The following RAD17 variants were observed in gnomAD, a reference collection of about 807,000 sequenced individuals.
RAD17 encodes RAD17 checkpoint clamp loader component, also known as cell cycle checkpoint protein RAD17.
In RAD17, 31 loss-of-function variants were observed where a neutral mutation model predicts 81.5. The ratio of observed to expected loss-of-function variants is 0.38; its 90% CI spans 0.29 to 0.51. RAD17 has a LOEUF of 0.51. Ranked by LOEUF, RAD17 falls within the 20% of genes least tolerant of loss-of-function variation. RAD17 has a pLI of 0.88. For synonymous variants in RAD17, 261 were observed against 266.2 expected (o/e 0.98, Z 0.19); for missense variants, 681 against 781.2 (o/e 0.87, Z 1.53).
chr5:69,410,526 TC>T lies in RAD17; in HGVS notation c.1730del (p.Pro577LeufsTer2). 1.2e-6 allele frequency: 2 copies of T among 1,613,422 alleles called. No homozygotes were observed. The highest frequency in any genetic ancestry group is 1.7e-6 in the Non-Finnish European group (2 of 1,179,600). On this transcript the variant is annotated frameshift_variant, in exon 18 of 19. Coordinates refer to ENST00000354868, the MANE Select transcript of RAD17 (RefSeq NM_133338.3). LOFTEE classifies it low-confidence loss of function (END_TRUNC). ...TCTTTTATCCAAGATATTGGAAGGC[TC>T]CCTCTGAAGCGACACTTTGGAAGGT... Reference protein sequence around the residue: ...QISFIQDIGRLPLKRHFGRLK... With the variant: ...QISFIQDIGRXPLKRHFGRLK...
At chr5:69,409,783 CTT>C (rs1406204972) in intron 17 of RAD17, among the ~76,000 whole-genome samples, 1 of 152,160 alleles carries the variant, frequency 6.6e-6, no homozygotes, top group Admixed American at 6.6e-5. Context: ...GTTTCCGAAA[CTT>C]TTGCTTCTTG....
chr5:69,407,748 C>T (rs527902772), intron 17 of RAD17, among the ~76,000 whole-genome samples: 12 of 151,688 alleles, frequency 7.9e-5, no homozygotes, highest in African/African-American at 2.2e-4. Flanking sequence ...GGCGGGGTTT[C>T]GCCATGTTGG....
At chr5:69,411,268 G>A (rs938551557) in intron 18 of RAD17, among the ~76,000 whole-genome samples, 11 of 151,760 alleles carry the variant, frequency 7.2e-5, no homozygotes, top group Non-Finnish European at 8.8e-5. Context: ...AAATTTAGCT[G>A]GGTGTGGTGG....
chr5:69,400,474 C>G (rs1765195551), intron 17 of RAD17, among the ~76,000 whole-genome samples: 1 of 151,984 alleles, frequency 6.6e-6, no homozygotes, highest in Non-Finnish European at 1.5e-5. Flanking sequence ...CCTCGGCCCC[C>G]CAGAGTGCTG....
chr5:69,371,394 T>A, intron 2 of RAD17, 60 bp from the exon 3 acceptor site: 1 of 516,898 alleles, frequency 1.9e-6, no homozygotes, highest in Non-Finnish European at 3.5e-6. Context: ...CATTTATTAC[T>A]ATAATTGGGC....
intron 18 of RAD17, among the ~76,000 whole-genome samples, chr5:69,411,267 T>C (rs1183879): frequency 0.5 from 75,305 of 151,264 alleles, 18,761 homozygotes; most frequent in South Asian, 0.53. Context: ...AAAATTTAGC[T>C]GGGTGTGGTG....
In RAD17 at chr5:69,369,851, A is replaced by T. The variant is rs896137085; in HGVS notation, c.-499A>T. 4 of 775,756 alleles carry T rather than the reference A, an allele frequency of 5.2e-6. No individual in the cohort carries two copies. The African/African-American group carries it at 7.1e-5, about 14-fold the overall frequency. The allele number at this position is 775,756 out of a possible 1,614,324, so 48.1% of individuals were successfully genotyped here. On this transcript the variant is annotated 5_prime_UTR_variant, in exon 1 of 19. Transcript: ENST00000354868. ...GAGAGGCTCGGCGTTGAGCCCGGGTAGGGCCAGGTGGCTGCCCTTTCACCT... is the reference window on the plus strand; with the variant it reads ...GAGAGGCTCGGCGTTGAGCCCGGGTTGGGCCAGGTGGCTGCCCTTTCACCT...
In RAD17 at chr5:69,414,359, C is replaced by T; in HGVS notation, c.*67C>T. On this transcript the variant is annotated 3_prime_UTR_variant, in exon 19 of 19. Transcript: ENST00000354868. Reference sequence around the variant, plus strand: ...TTTGTTTCATTCAGTGGTACTTCAGCAGAGTTAATATGCTTTTCTGATGAA... The same window carrying T: ...TTTGTTTCATTCAGTGGTACTTCAGTAGAGTTAATATGCTTTTCTGATGAA... 6.7e-7 allele frequency: 1 copy of T among 1,502,112 alleles called. No homozygotes were observed. The highest frequency in any genetic ancestry group is 1.2e-5 in the South Asian group (1 of 84,652). The allele number at this position is 1,502,112 out of a possible 1,614,324, so 93.0% of individuals were successfully genotyped here. A position where few individuals can be genotyped will look rare whatever the true frequency, so the allele number is the denominator to read the frequency against.
intron 17 of RAD17, among the ~76,000 whole-genome samples, chr5:69,407,623 C>T (rs1269370835): frequency 8.8e-6 from 1 of 113,856 alleles, no homozygotes; most frequent in Non-Finnish European, 1.6e-5. Context: ...GTTGTCCAGG[C>T]TGGAGTGCGG....
rs781628659 is a variant in RAD17 at position 69,396,494 on chromosome 5, G to A, written c.1520G>A (p.Gly507Glu). The change falls in exon 16 of 19, where the codon GGA becomes GAA. Residue 507 changes from glycine (G) to glutamate (E), a missense_variant. Coordinates refer to ENST00000354868, the MANE Select transcript of RAD17 (RefSeq NM_133338.3). ...GGATATGCTCATTGCCAAGGAGGAG[G>A]ATCAAGTTTTCGACCCTTGCACAAA... is the stretch of plus-strand genomic sequence containing the variant. ...ARGYAHCQGG[G>E]SSFRPLHKPQ... The A allele has an allele frequency of 1.2e-6, 2 of 1,610,900 alleles. No homozygotes were observed. The highest frequency in any genetic ancestry group is 4.5e-5 in the East Asian group (2 of 44,766).
In RAD17 at chr5:69,394,893, T is replaced by C. The variant is rs141176706; in HGVS notation, c.1422+1393T>C. 2.6e-3 allele frequency among the ~76,000 whole-genome samples: 399 copies of C among 152,186 alleles called. 1 individual carries two copies. The highest frequency in any genetic ancestry group is 9.4e-3 in the African/African-American group (390 of 41,536). On this transcript the variant is annotated intron_variant, in intron 15 of 18. Coordinates refer to ENST00000354868, the MANE Select transcript of RAD17 (RefSeq NM_133338.3). ...TGGGGCAATGTGATGAAACCCCATCTCTACAAAAAAATACCAAGAAAATTG... is the reference window on the plus strand; with the variant it reads ...TGGGGCAATGTGATGAAACCCCATCCCTACAAAAAAATACCAAGAAAATTG...
intron 17 of RAD17, among the ~76,000 whole-genome samples, chr5:69,402,451 G>A (rs913139996): frequency 6.6e-6 from 1 of 152,036 alleles, no homozygotes; most frequent in African/African-American, 2.4e-5. Flanking sequence ...GGATCACGAG[G>A]TCAGGAGATC....
intron 10 of RAD17, 39 bp from the exon 11 acceptor site, chr5:69,386,357 A>G (rs367614959): frequency 6.3e-7 from 1 of 1,580,982 alleles, no homozygotes; most frequent in African/African-American, 1.4e-5. Context: ...ATATTTTTAA[A>G]TTAATCATTT....
intron 6 of RAD17, among the ~76,000 whole-genome samples, chr5:69,379,393 T>C (rs915007725): frequency 3.3e-5 from 5 of 152,186 alleles, no homozygotes; most frequent in Non-Finnish European, 7.4e-5. Context: ...GACATTACTG[T>C]GCACTATTGT....
chr5:69,372,262 C>G (rs1763055255), intron 4 of RAD17, 45 bp downstream of exon 4: 2 of 1,421,562 alleles, frequency 1.4e-6, no homozygotes. Flanking sequence ...CTTTTTTAAT[C>G]CACTGCCGAT....
chr5:69,369,458 C>T (rs577414408), upstream of RAD17: 1 of 1,610,596 alleles, frequency 6.2e-7, no homozygotes, highest in East Asian at 2.2e-5. Context: ...GCCGCGCGCC[C>T]TGACCGGTGA....
chr5:69,403,944 A>C (rs1019292663), intron 17 of RAD17, among the ~76,000 whole-genome samples: 6 of 152,108 alleles, frequency 3.9e-5, no homozygotes, highest in Admixed American at 6.6e-5. Context: ...CAAAAAAATA[A>C]AATAAAATTT....
intron 6 of RAD17, among the ~76,000 whole-genome samples, chr5:69,376,663 C>T (rs375732090): frequency 6.6e-6 from 1 of 152,154 alleles, no homozygotes; most frequent in Non-Finnish European, 1.5e-5. Context: ...TCACTAACAC[C>T]CAGAGTCCAT....
intron 12 of RAD17, among the ~76,000 whole-genome samples, chr5:69,391,028 G>C (rs1245018195): frequency 2.6e-5 from 4 of 151,548 alleles, no homozygotes; most frequent in Non-Finnish European, 1.5e-5. Flanking sequence ...TGTGTGGTTG[G>C]GAGGTTGTGA....
Sources: gnomAD v4.1 joint callset for allele counts (sites outside exome capture counted in the v4.1 genomes callset) on GRCh38, gnomAD v4.1.1 for gene constraint, MANE v1.5 for transcripts, NCBI Gene and HGNC (gene_info 2026-07-23, HGNC 2026-07-21) for gene names.